Variants in CEP128 observed in about 807,000 individuals in gnomAD.
CEP128 encodes centrosomal protein 128kDa.
CEP128 carries 132 observed loss-of-function variants against 156.7 expected under a neutral mutation model. The observed-to-expected ratio is 0.84, with a 90% CI of 0.73 to 0.97. The LOEUF is 0.97. Among genes scored for constraint, CEP128 ranks in the 50% least tolerant of loss-of-function variants. The pLI is 0.00. For missense variants in CEP128, 1,252 were observed against 1,281.9 expected, an observed-to-expected ratio of 0.98 and a Z score of 0.36; for synonymous variants, 469 against 448.9, an observed-to-expected ratio of 1.04 and a Z score of -0.57.
intron 14 of CEP128, among the ~76,000 whole-genome samples, chr14:80,485,275 G>A (rs1478945728): frequency 1.3e-5 from 2 of 152,116 alleles, no homozygotes. Flanking sequence ...CGGTTGTATG[G>A]CTTCACCTTT....
intron 19 of CEP128, among the ~76,000 whole-genome samples, chr14:80,686,961 A>G (rs1220042671): frequency 1.3e-5 from 2 of 152,174 alleles, no homozygotes; most frequent in Non-Finnish European, 2.9e-5. Flanking sequence ...GAGACCTCCA[A>G]CGAAACTTAG....
At chr14:80,851,582 T>C (rs1886890891) in intron 9 of CEP128, among the ~76,000 whole-genome samples, 1 of 150,908 alleles carries the variant, frequency 6.6e-6, no homozygotes, top group African/African-American at 2.4e-5. Flanking sequence ...AAACAGAAAG[T>C]ATAAAAATGA....
chr14:80,841,581 AAAT>A (rs1478819710), intron 9 of CEP128, among the ~76,000 whole-genome samples: 1 of 152,032 alleles, frequency 6.6e-6, no homozygotes, highest in Non-Finnish European at 1.5e-5. Context: ...TACATATAAT[AAAT>A]AAATATATTA....
At chr14:80,904,538 T>C (rs1883770624) in intron 6 of CEP128, among the ~76,000 whole-genome samples, 1 of 152,138 alleles carries the variant, frequency 6.6e-6, no homozygotes, top group Non-Finnish European at 1.5e-5. Context: ...AGGTGATAGA[T>C]GTTAATTAAC....
intron 19 of CEP128, among the ~76,000 whole-genome samples, chr14:80,730,646 T>C (rs1343343549): frequency 3.9e-5 from 6 of 152,216 alleles, no homozygotes; most frequent in Admixed American, 6.5e-5. Context: ...TTCTTGGAAA[T>C]AGTTGTTTCG....
chr14:80,739,627 G>A (rs1373885971), intron 19 of CEP128, among the ~76,000 whole-genome samples: 2 of 151,640 alleles, frequency 1.3e-5, no homozygotes, highest in Admixed American at 6.6e-5. Flanking sequence ...TAGACACAAA[G>A]TTTTAATATT....
intron 19 of CEP128, among the ~76,000 whole-genome samples, chr14:80,707,579 T>C (rs111916497): frequency 2.6e-5 from 4 of 152,276 alleles, no homozygotes; most frequent in African/African-American, 9.6e-5. Flanking sequence ...CTGGTCTCTG[T>C]TTGTGAAGCT....
chr14:80,681,535 G>A (rs920699305), intron 19 of CEP128, among the ~76,000 whole-genome samples: 2 of 152,228 alleles, frequency 1.3e-5, no homozygotes, highest in Admixed American at 6.5e-5. Context: ...TGTTGTGGGA[G>A]GGAGCAGGTG....
chr14:80,831,609 TAA>T (rs199583399), intron 12 of CEP128, among the ~76,000 whole-genome samples: 37 of 129,434 alleles, frequency 2.9e-4, no homozygotes, highest in Admixed American at 3.1e-4. Flanking sequence ...CTCCAAACAG[TAA>T]AAAAAAAAAA....
chr14:80,545,948 T>C lies in CEP128; in HGVS notation c.2880+13331A>G, dbSNP rs144975282. Among the ~76,000 whole-genome samples the C allele has an allele frequency of 4.3e-4, 66 of 152,332 alleles. No homozygotes were observed. The East Asian group carries it at 0.013, about 29-fold the overall frequency. On this transcript the variant is annotated intron_variant, in intron 21 of 24. Coordinates refer to ENST00000555265, the MANE Select transcript of CEP128 (RefSeq NM_152446.5). ...AACTGAATCTGGGGGTGAGGGTGTG[T>C]TGAACTAAAATTACTGGGGTTATTA...
At position 80,949,657 on chromosome 14, in the gene CEP128, C is replaced by A. The variant is rs538545098; in HGVS notation, c.-172+8521G>T. Among the ~76,000 whole-genome samples the A allele has an allele frequency of 1.2e-4, 18 of 152,182 alleles. No individual in the cohort carries two copies. The South Asian group carries it at 3.7e-3, about 32-fold the overall frequency. On this transcript the variant is annotated intron_variant, in intron 2 of 7. Transcript: ENST00000555529. ...AGATTATATGCTGTGCTAGTCCCAC[C>A]TAATAAAGCTTAAAACCAAGATCCA...
intron 6 of CEP128, among the ~76,000 whole-genome samples, chr14:80,903,729 G>A (rs1055937426): frequency 6.6e-6 from 1 of 151,836 alleles, no homozygotes; most frequent in African/African-American, 2.4e-5. Context: ...ATGGTCAATA[G>A]GTACATTTTT....
At chr14:80,497,667 T>C (rs754391280) in intron 24 of CEP128, 85 bp from the exon 25 acceptor site, 29 of 806,178 alleles carry the variant, frequency 3.6e-5, no homozygotes, top group Non-Finnish European at 5.7e-5. Flanking sequence ...AGGTAGTTAA[T>C]GTATCATGGT....
At chr14:80,720,985 G>A (rs947754649) in intron 19 of CEP128, among the ~76,000 whole-genome samples, 3 of 152,030 alleles carry the variant, frequency 2.0e-5, no homozygotes, top group Admixed American at 6.6e-5. Context: ...TTTCTGATTT[G>A]CTCGTTATCT....
intron 19 of CEP128, among the ~76,000 whole-genome samples, chr14:80,635,005 C>T (rs1379049661): frequency 6.6e-6 from 1 of 152,190 alleles, no homozygotes; most frequent in East Asian, 1.9e-4. Flanking sequence ...TGCTCCCAGA[C>T]GACCAGGCCT....
intron 19 of CEP128, among the ~76,000 whole-genome samples, chr14:80,730,891 C>T (rs1898241993): frequency 6.6e-6 from 1 of 151,944 alleles, no homozygotes; most frequent in Admixed American, 6.6e-5. Flanking sequence ...ATTAATTGGG[C>T]CTTGAGGCTT....
At chr14:80,590,226 A>G (rs1050806078) in intron 19 of CEP128, among the ~76,000 whole-genome samples, 3 of 152,170 alleles carry the variant, frequency 2.0e-5, no homozygotes, top group Admixed American at 6.5e-5. Context: ...CCAAATTTTC[A>G]TAAGAGACGT....
At chr14:80,625,514 G>A (rs1005220445) in intron 19 of CEP128, among the ~76,000 whole-genome samples, 3 of 151,970 alleles carry the variant, frequency 2.0e-5, no homozygotes, top group Non-Finnish European at 4.4e-5. Context: ...ATTTTAATAG[G>A]TGTTGCACTG....
At chr14:80,569,918 G>A (rs1451138948) in intron 20 of CEP128, among the ~76,000 whole-genome samples, 1 of 152,130 alleles carries the variant, frequency 6.6e-6, no homozygotes, top group Non-Finnish European at 1.5e-5. Flanking sequence ...AGAGCTAAAG[G>A]AAAAGTATTA....
Sources: allele counts gnomAD v4.1 joint callset (sites outside exome capture counted in the v4.1 genomes callset), GRCh38; gene constraint gnomAD v4.1.1; transcripts MANE v1.5; gene names NCBI Gene and HGNC (gene_info 2026-07-23, HGNC 2026-07-21).